The following UBR2 variants were observed in gnomAD, a reference collection of about 807,000 sequenced individuals.
UBR2 encodes E3 ubiquitin-protein ligase UBR2.
UBR2 carries 92 observed loss-of-function variants against 247.9 expected under a neutral mutation model. The ratio of observed to expected loss-of-function variants is 0.37; its 90% CI spans 0.31 to 0.44. The LOEUF is 0.44. Among genes scored for constraint, UBR2 ranks in the 20% least tolerant of loss-of-function variants. UBR2 has a pLI of 1.00. For synonymous variants in UBR2, 672 were observed against 693.5 expected (o/e 0.97, Z 0.49); for missense variants, 1,613 against 2,112.6 (o/e 0.76, Z 4.64).
At chr6:42,599,143 A>G (rs1013966902) in intron 4 of UBR2, among the ~76,000 whole-genome samples, 2 of 152,124 alleles carry the variant, frequency 1.3e-5, no homozygotes, top group African/African-American at 4.8e-5. Context: ...ACAACAACCT[A>G]AGTGAAGATT....
At chr6:42,586,042 G>A (rs182237296) in intron 2 of UBR2, among the ~76,000 whole-genome samples, 10 of 152,176 alleles carry the variant, frequency 6.6e-5, no homozygotes, top group South Asian at 4.1e-4. Context: ...TACACATTCT[G>A]TATGGTTTCA....
At chr6:42,615,256 G>C in intron 9 of UBR2, 78 bp downstream of exon 9, 1 of 1,118,606 alleles carries the variant, frequency 8.9e-7, no homozygotes. Context: ...TATCATTTGG[G>C]AAGATATTTA....
At chr6:42,677,678 T>G (rs1293195071) in intron 40 of UBR2, among the ~76,000 whole-genome samples, 1 of 151,726 alleles carries the variant, frequency 6.6e-6, no homozygotes, top group Non-Finnish European at 1.5e-5. Flanking sequence ...TCTCAGGAGG[T>G]TGAGGTAGTC....
chr6:42,631,860 TTATATATATA>T (rs59218885), intron 11 of UBR2, among the ~76,000 whole-genome samples: 26,743 of 61,316 alleles, frequency 0.44, 3,205 homozygotes, highest in South Asian at 0.5. Context: ...TACTCTGATT[TTATATATATA>T]TATATATATA....
At chr6:42,648,783 G>C (rs1796931244) in intron 22 of UBR2, among the ~76,000 whole-genome samples, 1 of 151,830 alleles carries the variant, frequency 6.6e-6, no homozygotes, top group African/African-American at 2.4e-5. Flanking sequence ...CAACCACTCA[G>C]ATGATTTCTA....
intron 34 of UBR2, among the ~76,000 whole-genome samples, chr6:42,669,852 GTGTGTAGGCT>G (rs1292616574): frequency 6.6e-6 from 1 of 152,214 alleles, no homozygotes; most frequent in East Asian, 1.9e-4. Flanking sequence ...TCATTGTGTA[GTGTGTAGGCT>G]TGTGCCCAGC....
rs1790628753 is a variant in UBR2, at chr6:42,564,053, C to T, written c.-267C>T. Reference sequence around the variant, plus strand: ...GGTAGTGGCCAGCGAGAGTGTCAGGCCTGGGGTTTTCTGTGTCCTTCCCTG... The same window carrying T: ...GGTAGTGGCCAGCGAGAGTGTCAGGTCTGGGGTTTTCTGTGTCCTTCCCTG... On this transcript the variant is annotated 5_prime_UTR_variant, in exon 1 of 47. Transcript: ENST00000372901. 4 of 508,608 alleles carry T rather than the reference C, an allele frequency of 7.9e-6. No individual in the cohort carries two copies. Among genetic ancestry groups the T allele is most frequent in the Non-Finnish European group, 1.4e-5 (4 of 289,702 alleles). 31.5% of individuals were successfully genotyped at this position (508,608 alleles called of 1,614,324 possible).
intron 16 of UBR2, 93 bp from the exon 17 acceptor site, chr6:42,641,489 A>C: frequency 1.3e-6 from 1 of 792,794 alleles, no homozygotes; most frequent in Non-Finnish European, 2.0e-6. Context: ...GTTTTATAAA[A>C]GCATTTATCT....
At chr6:42,629,644 A>G (rs771200865) in intron 11 of UBR2, among the ~76,000 whole-genome samples, 3 of 152,100 alleles carry the variant, frequency 2.0e-5, no homozygotes, top group Non-Finnish European at 4.4e-5. Flanking sequence ...GTGACAAAGC[A>G]AAACTCTGTC....
At chr6:42,670,975 C>T (rs976256915) in intron 36 of UBR2, among the ~76,000 whole-genome samples, 1 of 152,180 alleles carries the variant, frequency 6.6e-6, no homozygotes, top group Non-Finnish European at 1.5e-5. Context: ...CACCTGAGGT[C>T]GGGAGTTTAA....
chr6:42,619,161 C>T (rs1295728845), intron 11 of UBR2, among the ~76,000 whole-genome samples: 1 of 151,712 alleles, frequency 6.6e-6, no homozygotes, highest in Non-Finnish European at 1.5e-5. Context: ...AATCTCCTTT[C>T]ATTATTATTT....
chr6:42,691,800 T>TTC lies in UBR2; in HGVS notation c.*628_*629insCT, dbSNP rs1554267407. ...GTTAGAGGTTTTTTTTTTTTCTTTT[T>TTC]TTTTTTATGGCAAGACTTTTGGCTT... is the stretch of plus-strand genomic sequence containing the variant. On this transcript the variant is annotated 3_prime_UTR_variant, in exon 47 of 47. Coordinates refer to ENST00000372901, the MANE Select transcript of UBR2 (RefSeq NM_001363705.2). 7 of 149,878 alleles carry TTC rather than the reference T, an allele frequency of 4.7e-5. No homozygotes were observed. Among genetic ancestry groups the TTC allele is most frequent in the African/African-American group, 1.5e-4 (6 of 40,714 alleles). The allele number at this position is 149,878 out of a possible 1,614,324, so 9.3% of individuals were successfully genotyped here.
chr6:42,624,303 A>T (rs75103554), intron 11 of UBR2, among the ~76,000 whole-genome samples: 2 of 138,118 alleles, frequency 1.4e-5, no homozygotes, highest in Admixed American at 7.3e-5. Flanking sequence ...CACTTGGCTA[A>T]TTTTTTTTTT....
At chr6:42,669,447 G>T (rs1235625953) in intron 34 of UBR2, among the ~76,000 whole-genome samples, 1 of 152,014 alleles carries the variant, frequency 6.6e-6, no homozygotes, top group Admixed American at 6.6e-5. Context: ...AGGTAGTTCT[G>T]TTAGCTCACT....
chr6:42,653,326 T>TC (rs1262996763), intron 25 of UBR2, among the ~76,000 whole-genome samples: 2 of 152,006 alleles, frequency 1.3e-5, no homozygotes, highest in Admixed American at 1.3e-4. Context: ...CAAGCAATCC[T>TC]CCCCCCTCGG....
intron 41 of UBR2, among the ~76,000 whole-genome samples, chr6:42,679,065 A>C (rs893599653): frequency 6.6e-6 from 1 of 152,222 alleles, no homozygotes; most frequent in Non-Finnish European, 1.5e-5. Flanking sequence ...AATACCCATA[A>C]TTGCACATAA....
chr6:42,637,070 T>C lies in UBR2; in HGVS notation c.1734T>C (p.Gly578=). 1 of 1,614,130 alleles carries C rather than the reference T, an allele frequency of 6.2e-7. No individual in the cohort carries two copies. The highest frequency in any genetic ancestry group is 8.5e-7 in the Non-Finnish European group (1 of 1,180,004). ...KCLAVLMQCH[G]GYTDGEQPIT... ...TCGCTGTACTGATGCAGTGTCATGGTGGTTATACTGATGGTGAACAGCCAA... is the reference window on the plus strand; with the variant it reads ...TCGCTGTACTGATGCAGTGTCATGGCGGTTATACTGATGGTGAACAGCCAA... Residue 578 remains glycine, a synonymous_variant, in exon 15 of 47, where the codon GGT becomes GGC. Coordinates refer to ENST00000372901, the MANE Select transcript of UBR2 (RefSeq NM_001363705.2).
At chr6:42,632,958 CTTTTTTTTTT>C in intron 13 of UBR2, 54 bp downstream of exon 13, 1 of 645,556 alleles carries the variant, frequency 1.5e-6, no homozygotes, top group East Asian at 4.0e-5. Context: ...TCTCTTTTCT[CTTTTTTTTTT>C]TTTTTTTAAT....
chr6:42,572,889 G>C, intron 1 of UBR2, among the ~76,000 whole-genome samples: 1 of 152,074 alleles, frequency 6.6e-6, no homozygotes, highest in South Asian at 2.1e-4. Context: ...ATTTTTAGTA[G>C]AGAAGAGACT....
Sources: gnomAD v4.1 joint callset for allele counts (sites outside exome capture counted in the v4.1 genomes callset) on GRCh38, gnomAD v4.1.1 for gene constraint, MANE v1.5 for transcripts, NCBI Gene and HGNC (gene_info 2026-07-23, HGNC 2026-07-21) for gene names.